The following MACF1 variants were observed in gnomAD, a reference collection of about 807,000 sequenced individuals.
MACF1 encodes microtubule-actin cross-linking factor 1.
Under a neutral mutation model 854.8 loss-of-function variants are expected in MACF1, and 193 were observed. The ratio of observed to expected loss-of-function variants is 0.23; its 90% CI spans 0.20 to 0.25. The LOEUF (loss-of-function observed/expected upper bound fraction) is 0.25. Ranked by LOEUF, MACF1 falls within the 10% of genes least tolerant of loss-of-function variation. The pLI is 1.00. For synonymous variants in MACF1, 3,185 were observed against 3,226.7 expected (o/e 0.99, Z 0.44); for missense variants, 7,722 against 8,929.1 (o/e 0.86, Z 5.45).
At chr1:39,124,378 A>C (rs1389415145) in intron 2 of MACF1, among the ~76,000 whole-genome samples, 1 of 152,074 alleles carries the variant, frequency 6.6e-6, no homozygotes, top group Non-Finnish European at 1.5e-5. Context: ...TATGTGTAAT[A>C]GGGGAACTCT....
At chr1:39,199,086 C>T (rs1414485168) in intron 2 of MACF1, among the ~76,000 whole-genome samples, 2 of 151,878 alleles carry the variant, frequency 1.3e-5, no homozygotes, top group Non-Finnish European at 2.9e-5. Flanking sequence ...ACCAGGTTCA[C>T]ACCATTCTCC....
At chr1:39,443,295 T>C (rs916760029) in intron 78 of MACF1, 151 bp from the exon 79 acceptor site, 1 of 691,242 alleles carries the variant, frequency 1.4e-6, no homozygotes, top group Non-Finnish European at 2.4e-6. Context: ...GCAATAATAT[T>C]GGCCCCATGC....
intron 2 of MACF1, among the ~76,000 whole-genome samples, chr1:39,167,054 T>C (rs1571124776): frequency 6.6e-6 from 1 of 152,070 alleles, no homozygotes; most frequent in African/African-American, 2.4e-5. Flanking sequence ...CTCCGTGTCC[T>C]GGGCTCAAGT....
rs201064882 is a variant in MACF1 at position 39,191,645 on chromosome 1, T to TA, written c.221-39536dup. The stretch of plus-strand genomic sequence containing the variant: ...TGCCACAGGGTGTGATGCTGTGTGA[T>TA]AGCAGATGGCTCTGCTTCATGCCCA... On this transcript the variant is annotated intron_variant, in intron 2 of 93. Coordinates refer to the MACF1 transcript ENST00000361689. 5.3e-5 allele frequency among the ~76,000 whole-genome samples: 8 copies of TA among 152,364 alleles called. No homozygotes were observed. The East Asian group carries it at 1.5e-3, about 29-fold the overall frequency.
rs367666824 is a variant in MACF1, at chr1:39,430,667, C to T, written c.17131-35C>T. On this transcript the variant is annotated intron_variant, in intron 65 of 100. Transcript: ENST00000564288. ...ACAGTTGCTGATGTGCTTTATTTAG[C>T]AAGGTATGGCCTGAAAACTCTTTTC... is the stretch of plus-strand genomic sequence containing the variant. The T allele has an allele frequency of 6.9e-4, 1,079 of 1,557,428 alleles. 2 individuals carry two copies. The highest frequency in any genetic ancestry group is 9.2e-4 in the Non-Finnish European group (1,041 of 1,131,358).
At chr1:39,469,376 G>T (rs1365869676) in intron 96 of MACF1, among the ~76,000 whole-genome samples, 171 bp from the exon 97 acceptor site, 2 of 152,148 alleles carry the variant, frequency 1.3e-5, no homozygotes, top group Non-Finnish European at 2.9e-5. Flanking sequence ...AGAGATGACC[G>T]GTTCCAATTG....
chr1:39,300,636 A>G (rs527717631), intron 22 of MACF1, among the ~76,000 whole-genome samples: 29 of 152,202 alleles, frequency 1.9e-4, no homozygotes, highest in African/African-American at 7.0e-4. Context: ...CACTTGGGAG[A>G]TATCCTTGAC....
At position 39,331,705 on chromosome 1, in the gene MACF1, A is replaced by T. The variant is rs1309105119; in HGVS notation, c.5117A>T (p.Glu1706Val). 5 of 1,614,086 alleles carry T rather than the reference A, an allele frequency of 3.1e-6. No homozygotes were observed. Among genetic ancestry groups the T allele is most frequent in the Non-Finnish European group, 4.2e-6 (5 of 1,180,048 alleles). ...SKNLIDPNTA[E>V]KIGLLDLMQR... Reference sequence around the variant, plus strand: ...AATTTGATAGACCCTAACACAGCTGAGAAAATTGGTTTGCTGGATCTGATG... The same window carrying T: ...AATTTGATAGACCCTAACACAGCTGTGAAAATTGGTTTGCTGGATCTGATG... Residue 1706 changes from glutamate to valine, a missense_variant, in exon 37 of 101, where the codon GAG (glutamate) becomes GTG (valine). By Grantham distance (121) the Glu-to-Val change is moderately radical (BLOSUM62 -2). This residue lies in a region of MACF1 where 1,531 missense variants were observed against 1,601.6 expected (regional missense o/e 0.96). Transcript: ENST00000564288.
chr1:39,141,962 C>T (rs898223130), intron 2 of MACF1, among the ~76,000 whole-genome samples: 1 of 152,158 alleles, frequency 6.6e-6, no homozygotes, highest in Non-Finnish European at 1.5e-5. Flanking sequence ...CCTGTGCTCT[C>T]TGTTTGCCAA....
At chr1:39,172,910 A>G (rs1398809451) in intron 2 of MACF1, among the ~76,000 whole-genome samples, 3 of 152,250 alleles carry the variant, frequency 2.0e-5, no homozygotes, top group Non-Finnish European at 4.4e-5. Flanking sequence ...CTTCTGGCAG[A>G]CAGCCCTCCT....
At chr1:39,205,426 C>T (rs1232868281) in intron 1 of MACF1, among the ~76,000 whole-genome samples, 1 of 152,144 alleles carries the variant, frequency 6.6e-6, no homozygotes, top group Non-Finnish European at 1.5e-5. Context: ...GCTGTGCTGA[C>T]TTAGTCTTTC....
At chr1:39,424,490 C>T (rs183727519) in intron 61 of MACF1, among the ~76,000 whole-genome samples, 7 of 152,236 alleles carry the variant, frequency 4.6e-5, no homozygotes, top group Admixed American at 4.6e-4. Context: ...TACAGTCCAG[C>T]CGAGTTATTT....
intron 2 of MACF1, among the ~76,000 whole-genome samples, chr1:39,143,803 C>T (rs1015742906): frequency 6.6e-6 from 1 of 152,120 alleles, no homozygotes; most frequent in East Asian, 1.9e-4. Context: ...GAGATGGAGT[C>T]TTGCTCTGTC....
rs1338486906 is a variant in MACF1 at position 39,310,841 on chromosome 1, G to A, written c.3111G>A (p.Glu1037=). The A allele has an allele frequency of 1.9e-6, 3 of 1,611,724 alleles. No homozygotes were observed. Among genetic ancestry groups the A allele is most frequent in the Non-Finnish European group, 2.5e-6 (3 of 1,178,832 alleles). The change falls in exon 26 of 101, where the codon GAG becomes GAA. Residue 1037 remains glutamate, a synonymous_variant. Transcript: ENST00000564288. ...LMKSMENEDK[E]ETVAKMYISE... ...TTTGTTCATTCACAGAGGACAAAGA[G>A]GAGACTGTGGCCAAGATGTACATTT...
intron 44 of MACF1, among the ~76,000 whole-genome samples, chr1:39,355,941 C>G (rs759088573): frequency 6.6e-6 from 1 of 152,124 alleles, no homozygotes; most frequent in Non-Finnish European, 1.5e-5. Context: ...TTCAGTGATA[C>G]TCCTGCATCA....
chr1:39,204,710 C>T lies in MACF1; in HGVS notation c.-313C>T, dbSNP rs1571170797. 7.7e-6 allele frequency: 2 copies of T among 258,692 alleles called. No homozygotes were observed. The highest frequency in any genetic ancestry group is 8.7e-5 in the East Asian group (1 of 11,526). 16.0% of individuals were successfully genotyped at this position (258,692 alleles called of 1,614,324 possible). A position where few individuals can be genotyped will look rare whatever the true frequency, so the allele number is the denominator to read the frequency against. On this transcript the variant is annotated 5_prime_UTR_variant, in exon 1 of 101. Coordinates refer to ENST00000564288, the MANE Select transcript of MACF1 (RefSeq NM_001394062.1). Reference sequence around the variant, plus strand: ...TGCCAAAGATAGAGGTTTGAGTCAGCTTGACACTGGCTTAGGCGCTCCTTT... The same window carrying T: ...TGCCAAAGATAGAGGTTTGAGTCAGTTTGACACTGGCTTAGGCGCTCCTTT...
At chr1:39,355,531 A>G (rs1647477614) in intron 44 of MACF1, among the ~76,000 whole-genome samples, 1 of 136,618 alleles carries the variant, frequency 7.3e-6, no homozygotes, top group Non-Finnish European at 1.5e-5. Context: ...CAGTGGCACA[A>G]TCTCGGCTCA....
intron 58 of MACF1, chr1:39,410,874 T>G (rs1317361106): frequency 1.2e-6 from 2 of 1,613,904 alleles, no homozygotes; most frequent in South Asian, 1.1e-5. Flanking sequence ...CCATAGGTAT[T>G]CCAGAGGTGC....
At chr1:39,440,100 TC>T (rs1316549752) in intron 72 of MACF1, among the ~76,000 whole-genome samples, 12,733 of 120,742 alleles carry the variant, frequency 0.11, 1,292 homozygotes, top group Non-Finnish European at 0.15. Context: ...TCTTTTCTTT[TC>T]TTTTCTTTTC....
Sources: allele counts gnomAD v4.1 joint callset (sites outside exome capture counted in the v4.1 genomes callset), GRCh38; gene constraint gnomAD v4.1.1; regional missense constraint gnomAD v4.1.1; transcripts MANE v1.5; gene names NCBI Gene and HGNC (gene_info 2026-07-23, HGNC 2026-07-21).